Variants in RHBDL3 observed in about 807,000 individuals in gnomAD.
RHBDL3 encodes the protein rhomboid-related protein 3.
RHBDL3 carries 28 observed loss-of-function variants against 48.2 expected under a neutral mutation model. The observed-to-expected ratio is 0.58, with a 90% CI of 0.43 to 0.80. The LOEUF (loss-of-function observed/expected upper bound fraction) is 0.80, where lower values mean the gene tolerates loss of function less well. Among genes scored for constraint, RHBDL3 ranks in the 30% least tolerant of loss-of-function variants. RHBDL3 has a pLI of 0.00. For synonymous variants in RHBDL3, 208 were observed against 232.3 expected, an observed-to-expected ratio of 0.90 and a Z score of 0.95; for missense variants, 464 against 542.7, an observed-to-expected ratio of 0.85 and a Z score of 1.44.
chr17:32,273,901 A>G (rs2039834215), intron 2 of RHBDL3, among the ~76,000 whole-genome samples: 1 of 151,922 alleles, frequency 6.6e-6, no homozygotes, highest in Non-Finnish European at 1.5e-5. Flanking sequence ...ACACCTGGCT[A>G]ATTTTTGTAT....
intron 5 of RHBDL3, among the ~76,000 whole-genome samples, chr17:32,297,435 C>A (rs1189193197): frequency 1.3e-5 from 2 of 152,042 alleles, no homozygotes; most frequent in Non-Finnish European, 2.9e-5. Context: ...GCATTCCAGC[C>A]TAGTTGACAG....
intron 8 of RHBDL3, among the ~76,000 whole-genome samples, chr17:32,318,207 A>T (rs916294313): frequency 2.0e-5 from 3 of 151,808 alleles, no homozygotes; most frequent in Non-Finnish European, 2.9e-5. Flanking sequence ...CACAAAAATT[A>T]AAAATTAGCC....
chr17:32,276,646 T>G (rs547062996), intron 2 of RHBDL3, among the ~76,000 whole-genome samples: 1 of 151,606 alleles, frequency 6.6e-6, no homozygotes, highest in African/African-American at 2.4e-5. Context: ...CCTAGCACCG[T>G]ACTCCAGCCC....
Position 32,266,147 on chromosome 17 carries a change from A to T in RHBDL3, c.-43A>T. The stretch of plus-strand genomic sequence containing the variant: ...CGCAAAGTTAGCCCGGCGCCCCGGG[A>T]CGAGCCCCGCAGCCGCCGCCGCCCC... On this transcript the variant is annotated 5_prime_UTR_variant, in exon 1 of 9. Coordinates refer to ENST00000269051, the MANE Select transcript of RHBDL3 (RefSeq NM_138328.3). The T allele has an allele frequency of 1.3e-6, 1 of 781,812 alleles. No homozygotes were observed. The highest frequency in any genetic ancestry group is 1.6e-6 in the Non-Finnish European group (1 of 612,320). The allele number at this position is 781,812 out of a possible 1,614,324, so 48.4% of individuals were successfully genotyped here.
At chr17:32,309,899 C>A (rs1046861967) in intron 7 of RHBDL3, among the ~76,000 whole-genome samples, 1 of 151,182 alleles carries the variant, frequency 6.6e-6, no homozygotes, top group East Asian at 2.0e-4. Context: ...CTTGCCTCAG[C>A]CCCCCGAGTA....
At chr17:32,293,914 G>A (rs936981102) in intron 4 of RHBDL3, among the ~76,000 whole-genome samples, 1 of 152,072 alleles carries the variant, frequency 6.6e-6, no homozygotes, top group Admixed American at 6.6e-5. Flanking sequence ...GATCACCTGA[G>A]GTCAGGAGTT....
intron 2 of RHBDL3, among the ~76,000 whole-genome samples, chr17:32,268,706 G>A (rs1597603744): frequency 6.6e-6 from 1 of 152,284 alleles, no homozygotes; most frequent in Admixed American, 6.5e-5. Flanking sequence ...TGGTGTGAGT[G>A]GGCCAGAGGG....
rs1567763836 is a variant in RHBDL3, at chr17:32,276,918, A to AGCCCTAGCACCTTACTCCG, written c.136-7722_136-7704dup. 6.9e-4 allele frequency among the ~76,000 whole-genome samples: 31 copies of AGCCCTAGCACCTTACTCCG among 45,062 alleles called. 6 individuals carry two copies. The highest frequency in any genetic ancestry group is 9.0e-4 in the Admixed American group (5 of 5,572). 29.6% of individuals were successfully genotyped at this position (45,062 alleles called of 152,430 possible). On this transcript the variant is annotated intron_variant, in intron 2 of 8. Transcript: ENST00000269051. ...TACTCCGGCCCTAGCACCTTACTCC[A>AGCCCTAGCACCTTACTCCG]GCCCTAGCACCTTACTCCGGCCCTA... is the stretch of plus-strand genomic sequence containing the variant.
intron 7 of RHBDL3, among the ~76,000 whole-genome samples, chr17:32,306,355 C>T (rs1391430503): frequency 2.0e-5 from 3 of 151,768 alleles, no homozygotes; most frequent in African/African-American, 7.2e-5. Flanking sequence ...ACCCGGGAGG[C>T]GGAGGTTGCA....
intron 8 of RHBDL3, among the ~76,000 whole-genome samples, chr17:32,317,947 G>A (rs1360822028): frequency 2.6e-5 from 4 of 151,888 alleles, no homozygotes; most frequent in Non-Finnish European, 4.4e-5. Context: ...TGTGGCTGAC[G>A]CCTGTAATCC....
intron 2 of RHBDL3, among the ~76,000 whole-genome samples, chr17:32,281,467 C>T (rs1055970653): frequency 1.3e-5 from 2 of 152,020 alleles, no homozygotes; most frequent in Non-Finnish European, 2.9e-5. Flanking sequence ...CAAGCTGTGC[C>T]GCAGACCAAT....
At chr17:32,279,412 A>G (rs990217712) in intron 2 of RHBDL3, among the ~76,000 whole-genome samples, 1 of 152,128 alleles carries the variant, frequency 6.6e-6, no homozygotes, top group Non-Finnish European at 1.5e-5. Flanking sequence ...GAGGCCCCAT[A>G]GCCCCTAGAA....
rs925773093 is a variant in RHBDL3 at position 32,322,688 on chromosome 17, G to A, written c.*1459G>A. 2 of 152,268 alleles carry A rather than the reference G, an allele frequency of 1.3e-5. No homozygotes were observed. The highest frequency in any genetic ancestry group is 4.8e-5 in the African/African-American group (2 of 41,444). 9.4% of individuals were successfully genotyped at this position (152,268 alleles called of 1,614,324 possible). On this transcript the variant is annotated 3_prime_UTR_variant, in exon 9 of 9. Transcript: ENST00000269051. ...TAGCCTCGGAGGCTTGGATGCGGGA[G>A]AGAACATGGTGGTTATCAAATCCAC...
intron 7 of RHBDL3, among the ~76,000 whole-genome samples, chr17:32,313,357 TA>T (rs1183159472): frequency 3.9e-5 from 6 of 152,132 alleles, no homozygotes; most frequent in African/African-American, 1.2e-4. Flanking sequence ...CCCTGTCTCT[TA>T]AAAAGTCTTC....
At chr17:32,282,485 G>A (rs571032458) in intron 2 of RHBDL3, among the ~76,000 whole-genome samples, 5 of 152,118 alleles carry the variant, frequency 3.3e-5, no homozygotes, top group African/African-American at 7.2e-5. Context: ...GAGGATTGCC[G>A]AGCCCAGGAG....
chr17:32,307,060 CT>C (rs1355330970), intron 7 of RHBDL3, among the ~76,000 whole-genome samples: 2 of 152,180 alleles, frequency 1.3e-5, no homozygotes, highest in Non-Finnish European at 1.5e-5. Flanking sequence ...TAGACAAAGC[CT>C]TGAAGGCCAG....
chr17:32,303,659 T>G (rs113808010), intron 6 of RHBDL3, among the ~76,000 whole-genome samples: 1 of 152,106 alleles, frequency 6.6e-6, no homozygotes, highest in Non-Finnish European at 1.5e-5. Flanking sequence ...TTTTTGTTTT[T>G]GTTTTTGAGA....
intron 6 of RHBDL3, among the ~76,000 whole-genome samples, chr17:32,303,493 C>T (rs886349892): frequency 5.9e-5 from 9 of 152,152 alleles, no homozygotes; most frequent in Non-Finnish European, 1.0e-4. Flanking sequence ...ATGGCTGACC[C>T]TGTGGCTAAG....
Position 32,322,122 on chromosome 17 carries a change from CGT to C in RHBDL3, c.*909_*910del, listed in dbSNP as rs144261795. On this transcript the variant is annotated 3_prime_UTR_variant, in exon 9 of 9. Coordinates refer to ENST00000269051, the MANE Select transcript of RHBDL3 (RefSeq NM_138328.3). ...GAGACAGTGTTTTGAAACATTCATG[CGT>C]GTGTGTGTGTGTGTGCGTATATGTG... 101 of 150,372 alleles carry C rather than the reference CGT, an allele frequency of 6.7e-4. 2 individuals are homozygous for C. The highest frequency in any genetic ancestry group is 2.2e-3 in the African/African-American group (90 of 40,318). The allele number at this position is 150,372 out of a possible 1,614,324, so 9.3% of individuals were successfully genotyped here.
Sources: allele counts gnomAD v4.1 joint callset (sites outside exome capture counted in the v4.1 genomes callset), GRCh38; gene constraint gnomAD v4.1.1; transcripts MANE v1.5; gene names NCBI Gene and HGNC (gene_info 2026-07-23, HGNC 2026-07-21).